Variants in GABRB2 observed in about 807,000 individuals in gnomAD.
GABRB2 encodes the protein gamma-aminobutyric acid type A receptor subunit beta2.
GABRB2 carries 16 observed loss-of-function variants against 54.7 expected under a neutral mutation model. The observed-to-expected ratio is 0.29, with a 90% CI of 0.20 to 0.44. GABRB2 has a LOEUF of 0.44. Among genes scored for constraint, GABRB2 ranks in the 20% least tolerant of loss-of-function variants. GABRB2 has a pLI of 1.00. For missense variants in GABRB2, 355 were observed against 644.0 expected, an observed-to-expected ratio of 0.55 and a Z score of 4.86; for synonymous variants, 244 against 233.8, an observed-to-expected ratio of 1.04 and a Z score of -0.40.
chr5:161,371,385 A>G (rs909468199), intron 5 of GABRB2, among the ~76,000 whole-genome samples: 1 of 152,190 alleles, frequency 6.6e-6, no homozygotes, highest in African/African-American at 2.4e-5. Flanking sequence ...CATTTCTAAA[A>G]TATGTATCTA....
intron 5 of GABRB2, among the ~76,000 whole-genome samples, chr5:161,369,681 T>C (rs1755076549): frequency 1.3e-5 from 2 of 152,112 alleles, no homozygotes; most frequent in African/African-American, 4.8e-5. Context: ...GGGAATAGAT[T>C]TGCCAAACTT....
At chr5:161,379,480 A>C (rs933235119) in intron 5 of GABRB2, among the ~76,000 whole-genome samples, 1 of 152,192 alleles carries the variant, frequency 6.6e-6, no homozygotes, top group African/African-American at 2.4e-5. Context: ...AATGTAAAAA[A>C]AGAAATCTCA....
At chr5:161,350,582 G>A (rs1754444472) in intron 5 of GABRB2, among the ~76,000 whole-genome samples, 1 of 152,132 alleles carries the variant, frequency 6.6e-6, no homozygotes, top group Admixed American at 6.6e-5. Flanking sequence ...TTAATATTGA[G>A]TGTCAACCTG....
chr5:161,429,930 A>C (rs1434184331), intron 4 of GABRB2, among the ~76,000 whole-genome samples: 1 of 152,202 alleles, frequency 6.6e-6, no homozygotes, highest in Non-Finnish European at 1.5e-5. Context: ...GTGGGAAAGA[A>C]GGCCCAGTGT....
At chr5:161,519,353 C>T (rs1238348353) in intron 3 of GABRB2, among the ~76,000 whole-genome samples, 1 of 152,152 alleles carries the variant, frequency 6.6e-6, no homozygotes, top group African/African-American at 2.4e-5. Flanking sequence ...TACATTAAGG[C>T]ATTACCCCTT....
intron 3 of GABRB2, among the ~76,000 whole-genome samples, chr5:161,519,859 T>C (rs1237541842): frequency 6.6e-6 from 1 of 152,090 alleles, no homozygotes; most frequent in Admixed American, 6.6e-5. Flanking sequence ...TGATGTAAAA[T>C]GTAAGTCTAA....
intron 4 of GABRB2, among the ~76,000 whole-genome samples, chr5:161,456,275 T>C (rs1757953629): frequency 6.6e-6 from 1 of 152,318 alleles, no homozygotes. Context: ...AGATCTTGCC[T>C]GTGCCTCAGA....
intron 5 of GABRB2, among the ~76,000 whole-genome samples, chr5:161,400,724 C>T (rs1756159692): frequency 1.3e-5 from 2 of 152,136 alleles, no homozygotes; most frequent in South Asian, 4.1e-4. Context: ...CTTGTAACTG[C>T]TCCTGGCTGT....
At chr5:161,354,840 C>T (rs904271909) in intron 5 of GABRB2, among the ~76,000 whole-genome samples, 2 of 152,018 alleles carry the variant, frequency 1.3e-5, no homozygotes, top group African/African-American at 4.8e-5. Flanking sequence ...AAAGTAATTA[C>T]TTTTTGCAAT....
At chr5:161,491,083 A>G (rs946418440) in intron 3 of GABRB2, among the ~76,000 whole-genome samples, 1 of 151,678 alleles carries the variant, frequency 6.6e-6, no homozygotes, top group African/African-American at 2.4e-5. Context: ...ACTAATACTT[A>G]CCAAATATGC....
At chr5:161,388,774 C>A (rs1580941651) in intron 5 of GABRB2, among the ~76,000 whole-genome samples, 1 of 151,788 alleles carries the variant, frequency 6.6e-6, no homozygotes, top group South Asian at 2.1e-4. Context: ...AAATCTTTAG[C>A]CTTCCTCATA....
At chr5:161,402,397 T>G (rs2113084838) in intron 5 of GABRB2, among the ~76,000 whole-genome samples, 1 of 152,288 alleles carries the variant, frequency 6.6e-6, no homozygotes, top group South Asian at 2.1e-4. Flanking sequence ...AGTTCCAGTT[T>G]ATGACAGCAT....
intron 3 of GABRB2, among the ~76,000 whole-genome samples, chr5:161,531,071 A>G (rs1021089593): frequency 1.9e-4 from 29 of 152,314 alleles, no homozygotes; most frequent in African/African-American, 5.8e-4. Context: ...CTGTATGTCA[A>G]GGAAAATAAT....
chr5:161,420,707 G>A (rs1262448187), intron 4 of GABRB2, among the ~76,000 whole-genome samples: 3 of 152,158 alleles, frequency 2.0e-5, no homozygotes, highest in Admixed American at 1.3e-4. Context: ...TGGGAGGGAG[G>A]GAGTGCTGCT....
intron 4 of GABRB2, among the ~76,000 whole-genome samples, chr5:161,412,254 T>C (rs1172690330): frequency 6.6e-6 from 1 of 152,230 alleles, no homozygotes; most frequent in Non-Finnish European, 1.5e-5. Flanking sequence ...TGTGATTAAC[T>C]TGAAGTAAGT....
chr5:161,300,161 G>A (rs1757496147), intron 9 of GABRB2, among the ~76,000 whole-genome samples: 1 of 152,090 alleles, frequency 6.6e-6, no homozygotes, highest in Admixed American at 6.6e-5. Flanking sequence ...TTTTACATGT[G>A]TTTTAAAGGG....
chr5:161,526,192 TG>T (rs1405526320), intron 3 of GABRB2, among the ~76,000 whole-genome samples: 2 of 151,426 alleles, frequency 1.3e-5, no homozygotes, highest in Non-Finnish European at 3.0e-5. Flanking sequence ...CTTAGCTGAG[TG>T]GATCAACATG....
At chr5:161,527,847 A>T (rs570966181) in intron 3 of GABRB2, among the ~76,000 whole-genome samples, 1 of 150,090 alleles carries the variant, frequency 6.7e-6, no homozygotes, top group East Asian at 1.9e-4. Context: ...GGTGTGACAC[A>T]GGTGGTGTGA....
rs932199812 is a variant in GABRB2 at position 161,290,141 on chromosome 5, G to A, written c.*3940C>T. ...TAATATTTACACACGTTCAGTGAAAGTTATGGTTGCTCACATTACATGTAC... is the reference window on the plus strand; with the variant it reads ...TAATATTTACACACGTTCAGTGAAAATTATGGTTGCTCACATTACATGTAC... On this transcript the variant is annotated 3_prime_UTR_variant, in exon 10 of 10. Transcript: ENST00000393959. 2.6e-5 allele frequency: 4 copies of A among 152,332 alleles called. No individual in the cohort carries two copies. Among genetic ancestry groups the A allele is most frequent in the Non-Finnish European group, 4.4e-5 (3 of 67,998 alleles). The allele number at this position is 152,332 out of a possible 1,614,324, so 9.4% of individuals were successfully genotyped here.
Sources: gnomAD v4.1 joint callset for allele counts (sites outside exome capture counted in the v4.1 genomes callset) on GRCh38, gnomAD v4.1.1 for gene constraint, MANE v1.5 for transcripts, NCBI Gene and HGNC (gene_info 2026-07-23, HGNC 2026-07-21) for gene names.